CCDC85C: variants seen among roughly 807,000 people sequenced by gnomAD.
CCDC85C encodes the protein coiled-coil domain-containing protein 85C.
A neutral mutation model predicts 38.3 loss-of-function variants in CCDC85C; 18 were observed. That is an observed-to-expected ratio of 0.47 (90% CI 0.33 to 0.70). CCDC85C has a LOEUF of 0.70. Ranked by LOEUF, CCDC85C falls within the 30% of genes least tolerant of loss-of-function variation. CCDC85C has a pLI of 0.03. For synonymous variants in CCDC85C, 264 were observed against 293.8 expected, an observed-to-expected ratio of 0.90 and a Z score of 1.04; for missense variants, 566 against 621.2, an observed-to-expected ratio of 0.91 and a Z score of 0.94.
rs1897143277 is a variant in CCDC85C, at chr14:99,512,051, CCTTTA to C, written c.*3190_*3194del. 1 of 152,230 alleles carries C rather than the reference CCTTTA, an allele frequency of 6.6e-6. No individual in the cohort carries two copies. Among genetic ancestry groups the C allele is most frequent in the Non-Finnish European group, 1.5e-5 (1 of 68,034 alleles). The allele number at this position is 152,230 out of a possible 1,614,324, so 9.4% of individuals were successfully genotyped here. A position where few individuals can be genotyped will look rare whatever the true frequency, so the allele number is the denominator to read the frequency against. On this transcript the variant is annotated 3_prime_UTR_variant, in exon 6 of 6. Transcript: ENST00000380243. ...CCCAGCCAGGAGGCTCACAAAGAGGCCTTTATTTATCTAGCTCAAAGTAGACACTA... is the reference window on the plus strand; with the variant it reads ...CCCAGCCAGGAGGCTCACAAAGAGGCTTTATCTAGCTCAAAGTAGACACTA...
chr14:99,537,360 A>G (rs1897624072), intron 1 of CCDC85C, among the ~76,000 whole-genome samples: 1 of 151,978 alleles, frequency 6.6e-6, no homozygotes, highest in African/African-American at 2.4e-5. Flanking sequence ...GCCTGGGGGG[A>G]CAGGGGCTTG....
intron 1 of CCDC85C, among the ~76,000 whole-genome samples, chr14:99,549,531 C>T (rs1897868818): frequency 1.3e-5 from 2 of 152,212 alleles, no homozygotes; most frequent in South Asian, 4.1e-4. Flanking sequence ...TGACCTTGGA[C>T]AAGCCCCTTC....
intron 1 of CCDC85C, among the ~76,000 whole-genome samples, chr14:99,547,290 C>T (rs1045019794): frequency 6.6e-6 from 1 of 152,120 alleles, no homozygotes; most frequent in African/African-American, 2.4e-5. Context: ...TGTACGTTTC[C>T]ATTTATATAA....
In CCDC85C at chr14:99,505,569, T is replaced by C. The variant is rs891227070; in HGVS notation, c.*9677A>G. On this transcript the variant is annotated 3_prime_UTR_variant, in exon 6 of 6. Coordinates refer to ENST00000380243, the MANE Select transcript of CCDC85C (RefSeq NM_001144995.2). ...GCTCTGTTAATGCAGGCTGGAGTGC[T>C]CCTTTTTCTTGTTAAAGTGGTTCCT... is the stretch of plus-strand genomic sequence containing the variant. The C allele has an allele frequency of 6.6e-6, 1 of 152,222 alleles. No homozygotes were observed. The highest frequency in any genetic ancestry group is 1.5e-5 in the Non-Finnish European group (1 of 68,052). 9.4% of individuals were successfully genotyped at this position (152,222 alleles called of 1,614,324 possible). A position where few individuals can be genotyped will look rare whatever the true frequency, so the allele number is the denominator to read the frequency against.
chr14:99,593,645 G>C (rs1202908854), intron 1 of CCDC85C, among the ~76,000 whole-genome samples: 7 of 152,232 alleles, frequency 4.6e-5, no homozygotes, highest in Non-Finnish European at 7.3e-5. Flanking sequence ...ACTCCTCACT[G>C]CTAACGTGAA....
intron 1 of CCDC85C, among the ~76,000 whole-genome samples, chr14:99,553,602 A>G (rs531198731): frequency 6.6e-6 from 1 of 152,222 alleles, no homozygotes; most frequent in East Asian, 1.9e-4. Flanking sequence ...TGACCTCATG[A>G]TCCGCCTGCC....
intron 1 of CCDC85C, among the ~76,000 whole-genome samples, chr14:99,601,604 G>C (rs1045238825): frequency 6.6e-6 from 1 of 152,142 alleles, no homozygotes; most frequent in Non-Finnish European, 1.5e-5. Flanking sequence ...GGGAAACCGA[G>C]GCCCAGATAA....
chr14:99,581,692 A>C (rs2400757), intron 1 of CCDC85C, among the ~76,000 whole-genome samples: 1 of 152,188 alleles, frequency 6.6e-6, no homozygotes, highest in African/African-American at 2.4e-5. Context: ...CAGGGAAACA[A>C]CCTGGCAGTG....
At chr14:99,561,122 TG>T (rs942412058) in intron 1 of CCDC85C, among the ~76,000 whole-genome samples, 32 of 152,230 alleles carry the variant, frequency 2.1e-4, no homozygotes, top group African/African-American at 7.2e-4. Context: ...ACTACGTGCA[TG>T]GGGGGGTGCC....
At chr14:99,602,437 C>A (rs912304385) in intron 1 of CCDC85C, among the ~76,000 whole-genome samples, 19 of 152,220 alleles carry the variant, frequency 1.2e-4, no homozygotes, top group African/African-American at 4.6e-4. Context: ...AGGTTTATCT[C>A]CACCTCAAAC....
intron 1 of CCDC85C, among the ~76,000 whole-genome samples, chr14:99,540,096 C>T (rs777409615): frequency 2.6e-5 from 4 of 151,852 alleles, no homozygotes; most frequent in Non-Finnish European, 5.9e-5. Flanking sequence ...TGCAGTGAGC[C>T]GAGATCACGC....
chr14:99,555,748 T>C (rs1897997884), intron 1 of CCDC85C, among the ~76,000 whole-genome samples: 1 of 152,210 alleles, frequency 6.6e-6, no homozygotes, highest in Non-Finnish European at 1.5e-5. Flanking sequence ...AGTGCGTGTC[T>C]GCCTGCTGGA....
chr14:99,543,182 T>C (rs1264675370), intron 1 of CCDC85C, among the ~76,000 whole-genome samples: 1 of 152,076 alleles, frequency 6.6e-6, no homozygotes, highest in Non-Finnish European at 1.5e-5. Context: ...TCTGGAACAA[T>C]GAAGGTTCCC....
Position 99,567,725 on chromosome 14 carries a change from T to G in CCDC85C, c.794-31637A>C, listed in dbSNP as rs567166773. On this transcript the variant is annotated intron_variant, in intron 1 of 5. Coordinates refer to ENST00000380243, the MANE Select transcript of CCDC85C (RefSeq NM_001144995.2). ...CTGCAGTCCCAGCTACTTGGGAGGC[T>G]GAGGCAGGAGAATCGCTTGAACTTG... Among the ~76,000 whole-genome samples, 10 of 152,312 alleles carry G rather than the reference T, an allele frequency of 6.6e-5. 1 individual carries two copies. The South Asian group carries it at 1.9e-3, about 28-fold the overall frequency.
chr14:99,517,135 A>G lies in CCDC85C; in HGVS notation c.1024T>C (p.Tyr342His). The G allele has an allele frequency of 6.5e-7, 1 of 1,550,320 alleles. No individual in the cohort carries two copies. Residue 342 changes from tyrosine (Y) to histidine (H), a missense_variant, in exon 4 of 6, where the codon TAC becomes CAC. By Grantham distance (83) the Tyr-to-His change is moderately conservative. Coordinates refer to ENST00000380243, the MANE Select transcript of CCDC85C (RefSeq NM_001144995.2). Reference sequence around the variant, plus strand: ...TCGGGCTTCTGTCCTGCAGGGCTGTAGCCAGCAGAGGGGGGCGAGGGCAGC... The same window carrying G: ...TCGGGCTTCTGTCCTGCAGGGCTGTGGCCAGCAGAGGGGGGCGAGGGCAGC... ...PELPSPPSAG[Y>H]SPAGQKPEAV...
chr14:99,516,663 C>T lies in CCDC85C; in HGVS notation c.1072-377G>A, dbSNP rs748815085. ...CATGTGGGATGTCATGGGGCACGTA[C>T]GTAGGAGGAAGGGGGGCATGGGAGT... On this transcript the variant is annotated intron_variant, in intron 4 of 5. Coordinates refer to ENST00000380243, the MANE Select transcript of CCDC85C (RefSeq NM_001144995.2). The surrounding 1 kb of genome is among the most constrained non-coding windows in gnomAD (Gnocchi z 5.5). 2.0e-5 allele frequency among the ~76,000 whole-genome samples: 3 copies of T among 152,000 alleles called. No homozygotes were observed. The highest frequency in any genetic ancestry group is 6.6e-5 in the Admixed American group (1 of 15,264).
intron 2 of CCDC85C, among the ~76,000 whole-genome samples, chr14:99,528,398 G>C (rs1897429370): frequency 6.6e-6 from 1 of 152,206 alleles, no homozygotes; most frequent in Non-Finnish European, 1.5e-5. Context: ...CGAAGGCCAG[G>C]GTTGGGGCTC....
intron 1 of CCDC85C, among the ~76,000 whole-genome samples, chr14:99,562,772 T>C (rs574486349): frequency 8.1e-4 from 123 of 152,164 alleles, no homozygotes; most frequent in African/African-American, 2.9e-3. Context: ...TGTGTACAAA[T>C]GTATGCACAT....
chr14:99,536,190 T>C, intron 1 of CCDC85C, 102 bp from the exon 2 acceptor site: 2 of 819,594 alleles, frequency 2.4e-6, no homozygotes, highest in African/African-American at 1.7e-5. Context: ...GGTTTGGGTC[T>C]GAGGAGTCCC....
Sources: allele counts gnomAD v4.1 joint callset (sites outside exome capture counted in the v4.1 genomes callset), GRCh38; gene constraint gnomAD v4.1.1; non-coding constraint Gnocchi (gnomAD v3.1); transcripts MANE v1.5; gene names NCBI Gene and HGNC (gene_info 2026-07-23, HGNC 2026-07-21).